Variants in TENM3 observed in about 807,000 individuals in gnomAD.
TENM3 encodes the protein teneurin transmembrane protein 3.
In TENM3, 63 loss-of-function variants were observed where a neutral mutation model predicts 255.1. That is an observed-to-expected ratio of 0.25 (90% CI 0.20 to 0.30). TENM3 has a LOEUF of 0.30. Among genes scored for constraint, TENM3 ranks in the 10% least tolerant of loss-of-function variants. The pLI is 1.00. For missense variants in TENM3, 2,929 were observed against 3,461.1 expected (o/e 0.85, Z 3.86); for synonymous variants, 1,306 against 1,322.3 (o/e 0.99, Z 0.27).
the TENM3 span, among the ~76,000 whole-genome samples, chr4:181,586,673 C>T: frequency 4.9e-4 from 75 of 152,136 alleles, no homozygotes; most frequent in African/African-American, 1.7e-3. Context: ...AACCCTGTCT[C>T]TAGCAAAAAC....
At chr4:182,172,408 T>C (rs555070580) in intron 1 of TENM3, among the ~76,000 whole-genome samples, 7 of 152,224 alleles carry the variant, frequency 4.6e-5, no homozygotes, top group African/African-American at 1.4e-4. Flanking sequence ...AAAGATGAAG[T>C]TGGTTTGCTG....
At chr4:182,419,286 C>T (rs1770620412) in intron 3 of TENM3, among the ~76,000 whole-genome samples, 1 of 152,194 alleles carries the variant, frequency 6.6e-6, no homozygotes, top group African/African-American at 2.4e-5. Context: ...TCATCACTGG[C>T]CATCAGAGAA....
At chr4:181,744,810 G>T in the TENM3 span, among the ~76,000 whole-genome samples, 149 of 152,292 alleles carry the variant, frequency 9.8e-4, 1 homozygote, top group East Asian at 0.024. Context: ...TGACTCCAGA[G>T]TTTTTTGTCT....
chr4:181,921,348 G>A, the TENM3 span, among the ~76,000 whole-genome samples: 7 of 152,132 alleles, frequency 4.6e-5, no homozygotes, highest in African/African-American at 9.7e-5. Flanking sequence ...TTACGATATC[G>A]ATTCTTCCTA....
chr4:182,487,846 A>G (rs188834589), intron 3 of TENM3, among the ~76,000 whole-genome samples: 1,733 of 152,318 alleles, frequency 0.011, 12 homozygotes, highest in Middle Eastern at 0.02. Context: ...TACGTATCTC[A>G]TAAATATTTA....
the TENM3 span, among the ~76,000 whole-genome samples, chr4:181,467,084 C>CGTGTGTGT: frequency 1.7e-5 from 1 of 59,012 alleles, no homozygotes; most frequent in Non-Finnish European, 3.0e-5. Flanking sequence ...TGTGTGTGTG[C>CGTGTGTGT]GTGTGTGTGT....
chr4:181,711,651 C>T, the TENM3 span, among the ~76,000 whole-genome samples: 1 of 152,288 alleles, frequency 6.6e-6, no homozygotes, highest in East Asian at 1.9e-4. Context: ...TTAAAGGAAA[C>T]CCAACTTGGT....
chr4:182,708,785 G>T (rs936395545), intron 12 of TENM3, among the ~76,000 whole-genome samples: 2 of 138,080 alleles, frequency 1.4e-5, no homozygotes, highest in African/African-American at 5.6e-5. Flanking sequence ...GCGACAGAGC[G>T]AGACTCCGTC....
At chr4:182,247,121 C>G (rs948268854) in intron 1 of TENM3, among the ~76,000 whole-genome samples, 4 of 152,132 alleles carry the variant, frequency 2.6e-5, no homozygotes, top group African/African-American at 9.7e-5. Flanking sequence ...GAGCTAGAAT[C>G]TAATGAGCAA....
Position 182,793,290 on chromosome 4 carries a change from A to G in TENM3, c.6618A>G (p.Glu2206=), listed in dbSNP as rs368771811. Residue 2206 remains glutamate, a synonymous_variant, in exon 26 of 28, where the codon GAA becomes GAG. Transcript: ENST00000511685. The surrounding 1 kb of genome is among the most constrained non-coding windows in gnomAD (Gnocchi z 5.7). ...FLRQRGTEIF[E]YSSKGLLTRV... ...GTCAAAGGGGCACGGAAATCTTTGA[A>G]TATAGCTCCAAGGGGCTTCTAACTC... The G allele has an allele frequency of 1.2e-6, 2 of 1,613,784 alleles. No homozygotes were observed. Among genetic ancestry groups the G allele is most frequent in the Non-Finnish European group, 1.7e-6 (2 of 1,179,846 alleles).
chr4:182,725,888 T>G (rs1172775355), intron 13 of TENM3, among the ~76,000 whole-genome samples: 3 of 152,140 alleles, frequency 2.0e-5, no homozygotes, highest in Non-Finnish European at 4.4e-5. Context: ...TCCACCCGCC[T>G]CGGCCTCCCA....
chr4:181,570,558 GAAA>G, the TENM3 span, among the ~76,000 whole-genome samples: 2 of 138,210 alleles, frequency 1.4e-5, no homozygotes, highest in Admixed American at 7.4e-5. Flanking sequence ...AAGAGAGAGA[GAAA>G]AAAAAGAAAG....
At chr4:182,499,623 T>C (rs975731422) in intron 3 of TENM3, among the ~76,000 whole-genome samples, 1 of 152,208 alleles carries the variant, frequency 6.6e-6, no homozygotes, top group African/African-American at 2.4e-5. Flanking sequence ...TACCACCAGA[T>C]TAATTTCCCA....
chr4:181,831,967 A>AG, the TENM3 span, among the ~76,000 whole-genome samples: 3 of 75,784 alleles, frequency 4.0e-5, no homozygotes, highest in Non-Finnish European at 8.2e-5. Context: ...TATATATTAC[A>AG]TTGTGTGTGT....
the TENM3 span, among the ~76,000 whole-genome samples, chr4:181,902,575 T>C: frequency 2.0e-5 from 3 of 152,120 alleles, no homozygotes; most frequent in East Asian, 5.8e-4. Context: ...ATATACACCA[T>C]GGAATACTAT....
chr4:181,927,972 A>C, the TENM3 span, among the ~76,000 whole-genome samples: 1 of 152,206 alleles, frequency 6.6e-6, no homozygotes, highest in Non-Finnish European at 1.5e-5. Context: ...AACAGAAAGG[A>C]ATAGAATCAA....
chr4:182,314,434 G>T (rs1762637918), intron 1 of TENM3, among the ~76,000 whole-genome samples: 1 of 152,204 alleles, frequency 6.6e-6, no homozygotes, highest in African/African-American at 2.4e-5. Context: ...AGAAATCAAT[G>T]GTCACTGTGC....
Position 182,601,025 on chromosome 4 carries a change from A to G in TENM3, c.613A>G (p.Arg205Gly). 6.2e-7 allele frequency: 1 copy of G among 1,612,766 alleles called. No homozygotes were observed. The highest frequency in any genetic ancestry group is 8.5e-7 in the Non-Finnish European group (1 of 1,179,724). Reference protein sequence around the residue: ...QHHPSITSLNRNSLTNRRNQS... With the variant: ...QHHPSITSLNGNSLTNRRNQS... ...TCATCCATCCATCACTTCTCTCAAC[A>G]GAAACTCCCTGACCAATAGAAGGAA... is the stretch of plus-strand genomic sequence containing the variant. The change falls in exon 4 of 28, where the codon AGA becomes GGA. Residue 205 changes from arginine to glycine, a missense_variant. Coordinates refer to ENST00000511685, the MANE Select transcript of TENM3 (RefSeq NM_001080477.4).
the TENM3 span, among the ~76,000 whole-genome samples, chr4:181,520,423 ATG>A: frequency 1.3e-5 from 2 of 151,926 alleles, no homozygotes; most frequent in Non-Finnish European, 2.9e-5. Flanking sequence ...GTGTGTGTGT[ATG>A]TGTGTGTGTG....
Sources: allele counts gnomAD v4.1 joint callset (sites outside exome capture counted in the v4.1 genomes callset), GRCh38; gene constraint gnomAD v4.1.1; non-coding constraint Gnocchi (gnomAD v3.1); transcripts MANE v1.5; gene names NCBI Gene and HGNC (gene_info 2026-07-23, HGNC 2026-07-21).